Variants in CNTN5 observed in about 807,000 individuals in gnomAD.
The protein encoded by CNTN5 is contactin-5.
CNTN5 carries 77 observed loss-of-function variants against 129.1 expected under a neutral mutation model. That is an observed-to-expected ratio of 0.60 (90% confidence interval 0.50 to 0.72). The LOEUF (loss-of-function observed/expected upper bound fraction) is 0.72, where lower values mean the gene tolerates loss of function less well. Ranked by LOEUF, CNTN5 falls within the 30% of genes least tolerant of loss-of-function variation. The probability of loss-of-function intolerance (pLI) is 0.00; values close to 1 mark genes in which losing one functional copy is unlikely to be tolerated. For missense variants in CNTN5, 1,478 were observed against 1,328.8 expected (o/e 1.11, Z -1.75); for synonymous variants, 509 against 465.6 (o/e 1.09, Z -1.20).
chr11:99,933,005 C>T (rs1023743434), intron 7 of CNTN5, among the ~76,000 whole-genome samples: 1 of 152,176 alleles, frequency 6.6e-6, no homozygotes, highest in African/African-American at 2.4e-5. Flanking sequence ...GATTTGCTGA[C>T]ATAGCCCTGG....
At position 99,800,343 on chromosome 11, in the gene CNTN5, C is replaced by T. The variant is rs150458049; in HGVS notation, c.56-19201C>T. Among the ~76,000 whole-genome samples, 49 of 152,182 alleles carry T rather than the reference C, an allele frequency of 3.2e-4. 1 individual carries two copies. Among genetic ancestry groups the T allele is most frequent in the African/African-American group, 1.1e-3 (45 of 41,550 alleles). On this transcript the variant is annotated intron_variant, in intron 3 of 24. Transcript: ENST00000524871. ...GCTATAATTTCATTTAGTTAACTTA[C>T]TGAGACTTGCATTATGACCCAGCAT...
At chr11:99,286,479 A>G (rs924665534) in intron 1 of CNTN5, among the ~76,000 whole-genome samples, 1 of 152,232 alleles carries the variant, frequency 6.6e-6, no homozygotes, top group Non-Finnish European at 1.5e-5. Context: ...CGTGAAGAAC[A>G]TATTAGTTAT....
chr11:99,975,524 A>G (rs942004205), intron 8 of CNTN5, among the ~76,000 whole-genome samples: 5 of 152,186 alleles, frequency 3.3e-5, no homozygotes, highest in Admixed American at 6.5e-5. Flanking sequence ...GGTAATTTAT[A>G]AAGAAAAGAG....
intron 2 of CNTN5, among the ~76,000 whole-genome samples, chr11:99,518,588 A>G (rs1244263053): frequency 6.6e-6 from 1 of 152,054 alleles, no homozygotes; most frequent in African/African-American, 2.4e-5. Context: ...ACATTGGAAA[A>G]GTGATCGTTC....
chr11:100,314,781 C>T (rs1951545225), intron 21 of CNTN5, among the ~76,000 whole-genome samples: 1 of 152,148 alleles, frequency 6.6e-6, no homozygotes, highest in South Asian at 2.1e-4. Flanking sequence ...GCTCTCCCTT[C>T]CCACTTCTGA....
intron 8 of CNTN5, among the ~76,000 whole-genome samples, chr11:99,981,077 G>GATATGTATATATAT (rs1938302984): frequency 1.9e-4 from 11 of 57,578 alleles, no homozygotes; most frequent in Non-Finnish European, 1.1e-4. Flanking sequence ...GAGCCAATAG[G>GATATGTATATATAT]ATATATATAT....
At chr11:99,408,482 G>GAAAC (rs371317621) in intron 2 of CNTN5, among the ~76,000 whole-genome samples, 1 of 147,044 alleles carries the variant, frequency 6.8e-6, no homozygotes, top group Non-Finnish European at 1.5e-5. Context: ...AAGAAAGAAA[G>GAAAC]AAAGAAAGAA....
intron 11 of CNTN5, 21 bp from the exon 12 acceptor site, chr11:100,071,684 A>G: frequency 6.5e-7 from 1 of 1,529,002 alleles, no homozygotes; most frequent in Non-Finnish European, 8.8e-7. Flanking sequence ...TCTAGATCTA[A>G]TTTTTTTAAT....
At chr11:100,032,417 A>T (rs945654578) in intron 9 of CNTN5, among the ~76,000 whole-genome samples, 3 of 152,128 alleles carry the variant, frequency 2.0e-5, no homozygotes, top group Admixed American at 2.0e-4. Context: ...CAAAAAAGAC[A>T]GTTATAAATT....
At chr11:100,318,397 T>C (rs1045104633) in intron 21 of CNTN5, among the ~76,000 whole-genome samples, 8 of 152,124 alleles carry the variant, frequency 5.3e-5, no homozygotes, top group Non-Finnish European at 1.2e-4. Context: ...TATTATATAA[T>C]GCACATTTGC....
intron 1 of CNTN5, among the ~76,000 whole-genome samples, chr11:99,126,779 T>G (rs180791159): frequency 1.3e-5 from 2 of 152,354 alleles, no homozygotes; most frequent in Non-Finnish European, 2.9e-5. Flanking sequence ...ATTCAAATTT[T>G]TCTCTCTAAT....
At chr11:99,136,911 T>C (rs1333033693) in intron 1 of CNTN5, among the ~76,000 whole-genome samples, 1 of 152,092 alleles carries the variant, frequency 6.6e-6, no homozygotes, top group Non-Finnish European at 1.5e-5. Flanking sequence ...TAGACTCCCA[T>C]ATGGAAAACA....
chr11:99,051,667 C>G (rs1864432920), intron 1 of CNTN5, among the ~76,000 whole-genome samples: 1 of 151,866 alleles, frequency 6.6e-6, no homozygotes, highest in Non-Finnish European at 1.5e-5. Flanking sequence ...GAGAGAATCA[C>G]TGACTTATCA....
chr11:99,235,620 A>G (rs1025226719), intron 1 of CNTN5, among the ~76,000 whole-genome samples: 1 of 152,208 alleles, frequency 6.6e-6, no homozygotes, highest in Non-Finnish European at 1.5e-5. Flanking sequence ...TATAGCAGTC[A>G]TCAATATAAT....
chr11:99,766,206 A>G (rs1467186767), intron 3 of CNTN5, among the ~76,000 whole-genome samples: 2 of 152,116 alleles, frequency 1.3e-5, no homozygotes, highest in Admixed American at 6.6e-5. Flanking sequence ...CAATTTCAAA[A>G]GGTATTTCTG....
At chr11:99,864,713 G>A (rs928307609) in intron 6 of CNTN5, among the ~76,000 whole-genome samples, 1 of 152,128 alleles carries the variant, frequency 6.6e-6, no homozygotes, top group Non-Finnish European at 1.5e-5. Flanking sequence ...GTGTCATAGT[G>A]AAATTATTTG....
chr11:99,223,669 A>C (rs7940419), intron 1 of CNTN5, among the ~76,000 whole-genome samples: 63,938 of 151,954 alleles, frequency 0.42, 14,050 homozygotes, highest in African/African-American at 0.51. Flanking sequence ...CTCTAATTAC[A>C]TAGAAGTCCC....
At chr11:99,404,708 T>C (rs1302762729) in intron 2 of CNTN5, among the ~76,000 whole-genome samples, 1 of 152,170 alleles carries the variant, frequency 6.6e-6, no homozygotes, top group African/African-American at 2.4e-5. Context: ...CTTATTGTAC[T>C]GTCTGTCTTA....
intron 8 of CNTN5, among the ~76,000 whole-genome samples, chr11:99,989,437 A>G (rs191599642): frequency 1.3e-5 from 2 of 152,274 alleles, no homozygotes; most frequent in African/African-American, 2.4e-5. Context: ...GTGGCAGGTC[A>G]TAAAAATCAA....
Sources: gnomAD v4.1 joint callset for allele counts (sites outside exome capture counted in the v4.1 genomes callset) on GRCh38, gnomAD v4.1.1 for gene constraint, MANE v1.5 for transcripts, NCBI Gene and HGNC (gene_info 2026-07-23, HGNC 2026-07-21) for gene names.